PKIB: variants seen among roughly 807,000 people sequenced by gnomAD.
PKIB encodes cAMP-dependent protein kinase inhibitor beta, also known as PKI-beta.
In PKIB, 2 loss-of-function variants were observed where a neutral mutation model predicts 4.5. The ratio of observed to expected loss-of-function variants is 0.44; its 90% CI spans 0.18 to 1.39. The LOEUF is 1.39. Among genes scored for constraint, PKIB ranks in the 40% most tolerant of loss-of-function variants. PKIB has a pLI of 0.27. For missense variants in PKIB, 94 were observed against 92.6 expected (o/e 1.02, Z -0.06); for synonymous variants, 38 against 36.0 (o/e 1.06, Z -0.20).
intron 2 of PKIB, among the ~76,000 whole-genome samples, chr6:122,663,398 T>G (rs1226817530): frequency 1.3e-5 from 2 of 152,210 alleles, no homozygotes; most frequent in African/African-American, 4.8e-5. Flanking sequence ...CAGGAGCTGC[T>G]AAGAGTCTAC....
At chr6:122,488,605 T>TA (rs2114532737) in intron 2 of PKIB, among the ~76,000 whole-genome samples, 1 of 148,598 alleles carries the variant, frequency 6.7e-6, no homozygotes, top group Admixed American at 6.7e-5. Flanking sequence ...AATTTTTGTA[T>TA]TTTTTTTTTG....
chr6:122,681,082 T>C (rs1777880192), intron 3 of PKIB, among the ~76,000 whole-genome samples: 1 of 152,174 alleles, frequency 6.6e-6, no homozygotes, highest in Non-Finnish European at 1.5e-5. Flanking sequence ...ACCAGTTAAC[T>C]ACATTTCTTC....
chr6:122,620,493 T>C (rs1275785359), intron 1 of PKIB, among the ~76,000 whole-genome samples: 1 of 152,248 alleles, frequency 6.6e-6, no homozygotes, highest in African/African-American at 2.4e-5. Flanking sequence ...TCAGAATTTG[T>C]GTTGCTTGGT....
chr6:122,702,954 A>G (rs559024094), intron 3 of PKIB, among the ~76,000 whole-genome samples: 6 of 152,212 alleles, frequency 3.9e-5, no homozygotes, highest in African/African-American at 1.4e-4. Flanking sequence ...TTTCTCCTCC[A>G]TTTTTCATTT....
intron 3 of PKIB, among the ~76,000 whole-genome samples, chr6:122,676,403 G>T (rs1777675106): frequency 6.6e-6 from 1 of 152,070 alleles, no homozygotes; most frequent in Non-Finnish European, 1.5e-5. Context: ...TTCCTAACAG[G>T]CCATGGATTG....
At chr6:122,477,770 T>G (rs1775488032) in intron 1 of PKIB, 1 of 152,224 alleles carries the variant, frequency 6.6e-6, no homozygotes, top group South Asian at 2.1e-4. Context: ...TGTCCATTAT[T>G]GCGTAAAACA....
intron 4 of PKIB, among the ~76,000 whole-genome samples, chr6:122,722,289 T>C (rs1469014454): frequency 2.0e-5 from 3 of 152,160 alleles, no homozygotes; most frequent in African/African-American, 7.2e-5. Flanking sequence ...ACTTTCACAT[T>C]ACAAAGCAAA....
chr6:122,525,543 A>G (rs1777070649), intron 2 of PKIB, among the ~76,000 whole-genome samples: 1 of 152,208 alleles, frequency 6.6e-6, no homozygotes, highest in African/African-American at 2.4e-5. Flanking sequence ...ACAGACCACA[A>G]GATCACAACG....
chr6:122,582,648 A>G (rs1399120586), intron 2 of PKIB, among the ~76,000 whole-genome samples: 2 of 152,128 alleles, frequency 1.3e-5, no homozygotes, highest in Middle Eastern at 3.4e-3. Flanking sequence ...AACAGAAGCT[A>G]CCTTCTTTGA....
rs189616111 is a variant in PKIB, at chr6:122,511,773, C to T, written c.-248+33834C>T. On this transcript the variant is annotated intron_variant, in intron 2 of 6. Transcript: ENST00000392491. ...TGAAAGGGAGGCAGTACGTCATAGGCGTAATCTACGGTAATAGTGGTTTAA... is the reference window on the plus strand; with the variant it reads ...TGAAAGGGAGGCAGTACGTCATAGGTGTAATCTACGGTAATAGTGGTTTAA... Among the ~76,000 whole-genome samples, 404 of 152,282 alleles carry T rather than the reference C, an allele frequency of 2.7e-3. 4 individuals carry two copies. The highest frequency in any genetic ancestry group is 8.3e-4 in the South Asian group (4 of 4,824).
At chr6:122,658,000 T>C (rs1474006928) in intron 2 of PKIB, among the ~76,000 whole-genome samples, 1 of 152,240 alleles carries the variant, frequency 6.6e-6, no homozygotes, top group African/African-American at 2.4e-5. Flanking sequence ...TTAAGCTCTT[T>C]ATATCATGTT....
intron 1 of PKIB, among the ~76,000 whole-genome samples, chr6:122,621,844 C>G (rs1244151144): frequency 6.6e-6 from 1 of 152,082 alleles, no homozygotes; most frequent in East Asian, 1.9e-4. Context: ...CCATGTCCCT[C>G]AGAGCACATG....
intron 2 of PKIB, among the ~76,000 whole-genome samples, chr6:122,577,631 C>T (rs377485035): frequency 5.9e-4 from 90 of 152,110 alleles, no homozygotes; most frequent in African/African-American, 1.7e-3. Flanking sequence ...TTTATTGGGC[C>T]GGGCGCTGTG....
chr6:122,518,422 G>A (rs564514552), intron 2 of PKIB, among the ~76,000 whole-genome samples: 5 of 152,078 alleles, frequency 3.3e-5, no homozygotes, highest in Non-Finnish European at 7.4e-5. Flanking sequence ...GTTCATTAGT[G>A]AGAGGGACTG....
upstream of PKIB, among the ~76,000 whole-genome samples, chr6:122,609,249 A>G (rs931697365): frequency 1.6e-4 from 25 of 152,252 alleles, no homozygotes; most frequent in Non-Finnish European, 2.6e-4. Flanking sequence ...AAGGAAGTCA[A>G]TCAATCCTGA....
At chr6:122,666,916 C>A in intron 2 of PKIB, among the ~76,000 whole-genome samples, 1 of 152,008 alleles carries the variant, frequency 6.6e-6, no homozygotes, top group East Asian at 1.9e-4. Flanking sequence ...TCGATTATAA[C>A]CTCAAGCTTC....
chr6:122,499,046 A>G (rs2114553880), intron 2 of PKIB, among the ~76,000 whole-genome samples: 1 of 152,322 alleles, frequency 6.6e-6, no homozygotes, highest in East Asian at 1.9e-4. Context: ...ACCAATATCA[A>G]CTTCTAAAAC....
chr6:122,625,438 A>G (rs1380850003), intron 1 of PKIB, among the ~76,000 whole-genome samples: 4 of 152,112 alleles, frequency 2.6e-5, no homozygotes, highest in Non-Finnish European at 5.9e-5. Flanking sequence ...AAATTTGCCC[A>G]TGAATGTATA....
chr6:122,666,460 GTTTTGTTTTTGT>G (rs377668918), intron 2 of PKIB, among the ~76,000 whole-genome samples: 34 of 152,234 alleles, frequency 2.2e-4, no homozygotes, highest in East Asian at 9.6e-4. Flanking sequence ...TGCTAGTTGT[GTTTTGTTTTTGT>G]TTTTGTTTTT....
Sources: allele counts gnomAD v4.1 joint callset (sites outside exome capture counted in the v4.1 genomes callset), GRCh38; gene constraint gnomAD v4.1.1; transcripts MANE v1.5; gene names NCBI Gene and HGNC (gene_info 2026-07-23, HGNC 2026-07-21).